CNTNAP2: variants seen among roughly 807,000 people sequenced by gnomAD.
CNTNAP2 encodes contactin associated protein 2, also known as contactin-associated protein-like 2.
In CNTNAP2, 98 loss-of-function variants were observed where a neutral mutation model predicts 155.2. That is an observed-to-expected ratio of 0.63 (90% CI 0.54 to 0.75). CNTNAP2 has a LOEUF of 0.75. CNTNAP2 is among the 30% of genes least tolerant of loss of function. The probability of loss-of-function intolerance (pLI) is 0.00; values close to 1 mark genes in which losing one functional copy is unlikely to be tolerated. For missense variants in CNTNAP2, 1,727 were observed against 1,688.1 expected (o/e 1.02, Z -0.40); for synonymous variants, 651 against 631.2 (o/e 1.03, Z -0.47).
Position 147,903,673 on chromosome 7 carries a change from G to A in CNTNAP2, c.2207G>A (p.Cys736Tyr). Residue 736 changes from cysteine to tyrosine, a missense_variant, in exon 14 of 24, where the codon TGC becomes TAC. Transcript: ENST00000361727. The part of the protein sequence containing the change: ...QKCACGIERN[C>Y]TDPKYYCNCD... ...TGTGCCTGCGGCATCGAACGCAACTGCACAGATCCCAAGTACTACTGTAAC... is the reference window on the plus strand; with the variant it reads ...TGTGCCTGCGGCATCGAACGCAACTACACAGATCCCAAGTACTACTGTAAC... 1 of 1,614,002 alleles carries A rather than the reference G, an allele frequency of 6.2e-7. No homozygotes were observed.
chr7:146,173,632 T>C (rs553207558), intron 1 of CNTNAP2, among the ~76,000 whole-genome samples: 1 of 152,208 alleles, frequency 6.6e-6, no homozygotes, highest in Non-Finnish European at 1.5e-5. Flanking sequence ...TGTAATGTTA[T>C]AACTTATTTT....
chr7:146,748,364 C>A (rs1801847875), intron 1 of CNTNAP2, among the ~76,000 whole-genome samples: 1 of 152,128 alleles, frequency 6.6e-6, no homozygotes, highest in South Asian at 2.1e-4. Flanking sequence ...CCAGGATGGT[C>A]TGGATCTCCT....
intron 15 of CNTNAP2, among the ~76,000 whole-genome samples, chr7:147,980,484 A>T (rs1372916491): frequency 6.6e-6 from 1 of 152,226 alleles, no homozygotes; most frequent in African/African-American, 2.4e-5. Flanking sequence ...AGCAGTCAAC[A>T]GTTAATGGCA....
intron 14 of CNTNAP2, among the ~76,000 whole-genome samples, chr7:147,926,564 G>A (rs1800402771): frequency 6.6e-6 from 1 of 152,114 alleles, no homozygotes; most frequent in African/African-American, 2.4e-5. Context: ...AAGTCACTGT[G>A]ATCTACATGT....
intron 14 of CNTNAP2, among the ~76,000 whole-genome samples, chr7:147,908,501 G>T (rs564295705): frequency 3.9e-5 from 6 of 152,288 alleles, no homozygotes; most frequent in Middle Eastern, 3.4e-3. Flanking sequence ...GCCCCTCCAG[G>T]AACAGGGAGG....
rs556534882 is a variant in CNTNAP2 at position 148,336,854 on chromosome 7, G to C, written c.3476-46795G>C. On this transcript the variant is annotated intron_variant, in intron 21 of 23. Coordinates refer to ENST00000361727, the MANE Select transcript of CNTNAP2 (RefSeq NM_014141.6). ...CAATAGTGTGGAAAGAAACCTACCAGGGCAGGCTTATCTCTGCTCATTCTT... is the reference window on the plus strand; with the variant it reads ...CAATAGTGTGGAAAGAAACCTACCACGGCAGGCTTATCTCTGCTCATTCTT... 2.0e-5 allele frequency among the ~76,000 whole-genome samples: 3 copies of C among 152,304 alleles called. No individual in the cohort carries two copies. The South Asian group carries it at 6.2e-4, about 32-fold the overall frequency.
At chr7:147,710,796 G>A (rs961275280) in intron 13 of CNTNAP2, among the ~76,000 whole-genome samples, 6 of 152,108 alleles carry the variant, frequency 3.9e-5, no homozygotes, top group African/African-American at 1.2e-4. Context: ...ATAAGAACTG[G>A]TATGCTAAAA....
intron 4 of CNTNAP2, among the ~76,000 whole-genome samples, chr7:147,075,791 C>T (rs1584821532): frequency 6.6e-6 from 1 of 152,008 alleles, no homozygotes; most frequent in African/African-American, 2.4e-5. Context: ...TTCCCCCTAC[C>T]CCACGATAGG....
At chr7:147,296,027 T>TAATCACAAAATTTTGTGTTCTAATCACA (rs968361849) in intron 8 of CNTNAP2, among the ~76,000 whole-genome samples, 1 of 152,210 alleles carries the variant, frequency 6.6e-6, no homozygotes, top group African/African-American at 2.4e-5. Flanking sequence ...GTTCCATTTC[T>TAATCACAAAATTTTGTGTTCTAATCACA]AAATTAATTT....
intron 2 of CNTNAP2, among the ~76,000 whole-genome samples, chr7:146,780,599 T>A (rs190400479): frequency 6.6e-6 from 1 of 152,224 alleles, no homozygotes; most frequent in Admixed American, 6.5e-5. Context: ...TTTTTTAACA[T>A]GTTTGTTGGC....
intron 1 of CNTNAP2, among the ~76,000 whole-genome samples, chr7:146,744,247 AAAAAG>A (rs1801771655): frequency 6.6e-6 from 1 of 151,264 alleles, no homozygotes; most frequent in African/African-American, 2.4e-5. Context: ...AAAAAAAAAA[AAAAAG>A]CATTTAGATT....
chr7:146,204,732 C>T (rs7785592), intron 1 of CNTNAP2, among the ~76,000 whole-genome samples: 43,989 of 151,828 alleles, frequency 0.29, 7,216 homozygotes, highest in African/African-American at 0.44. Flanking sequence ...AAAATATCAG[C>T]TCATAATTTT....
intron 18 of CNTNAP2, among the ~76,000 whole-genome samples, chr7:148,206,448 A>T (rs1795450672): frequency 6.6e-6 from 1 of 152,084 alleles, no homozygotes; most frequent in Admixed American, 6.5e-5. Context: ...TATTTTTACA[A>T]CTTTTCAAAA....
At chr7:147,292,693 T>G (rs750222242) in intron 8 of CNTNAP2, among the ~76,000 whole-genome samples, 2 of 152,154 alleles carry the variant, frequency 1.3e-5, no homozygotes, top group African/African-American at 4.8e-5. Context: ...TTAGAAGAAT[T>G]TGGGTGCCTG....
chr7:146,461,419 TA>T (rs1796635490), intron 1 of CNTNAP2, among the ~76,000 whole-genome samples: 1 of 145,842 alleles, frequency 6.9e-6, no homozygotes, highest in Non-Finnish European at 1.5e-5. Context: ...AAAAAAAATA[TA>T]ATAATAATAA....
At chr7:148,233,648 G>T (rs1795999725) in intron 20 of CNTNAP2, among the ~76,000 whole-genome samples, 1 of 152,192 alleles carries the variant, frequency 6.6e-6, no homozygotes. Flanking sequence ...CAGCTCACAT[G>T]TATTGGTGCT....
intron 1 of CNTNAP2, among the ~76,000 whole-genome samples, chr7:146,568,993 ATTT>A (rs891179904): frequency 6.6e-6 from 1 of 150,822 alleles, no homozygotes; most frequent in African/African-American, 2.4e-5. Flanking sequence ...ACTTCTTTTT[ATTT>A]TTTTTATTTT....
chr7:147,089,396 C>T (rs946335859), intron 4 of CNTNAP2, among the ~76,000 whole-genome samples: 8 of 152,152 alleles, frequency 5.3e-5, no homozygotes, highest in Admixed American at 3.9e-4. Context: ...GCATCCACTG[C>T]GACTCACACA....
intron 3 of CNTNAP2, among the ~76,000 whole-genome samples, chr7:146,990,067 G>GAAAAATA (rs1798183522): frequency 6.6e-6 from 1 of 150,514 alleles, no homozygotes; most frequent in Admixed American, 6.6e-5. Flanking sequence ...GTCCTGTAGA[G>GAAAAATA]AAAAATAAAA....
Sources: allele counts gnomAD v4.1 joint callset (sites outside exome capture counted in the v4.1 genomes callset), GRCh38; gene constraint gnomAD v4.1.1; transcripts MANE v1.5; gene names NCBI Gene and HGNC (gene_info 2026-07-23, HGNC 2026-07-21).